Variants in COL23A1 observed in about 807,000 individuals in gnomAD.
COL23A1 encodes collagen type XXIII alpha 1 chain.
Under a neutral mutation model 99.3 loss-of-function variants are expected in COL23A1, and 97 were observed. That is an observed-to-expected ratio of 0.98 (90% CI 0.83 to 1.16). The LOEUF is 1.16. Ranked by LOEUF, COL23A1 falls within the 50% of genes most tolerant of loss-of-function variation. The probability of loss-of-function intolerance (pLI) is 0.00; values close to 1 mark genes in which losing one functional copy is unlikely to be tolerated. For synonymous variants in COL23A1, 320 were observed against 308.2 expected (o/e 1.04, Z -0.40); for missense variants, 762 against 757.4 (o/e 1.01, Z -0.07).
intron 5 of COL23A1, among the ~76,000 whole-genome samples, chr5:178,278,896 G>C (rs145601670): frequency 6.6e-6 from 1 of 152,160 alleles, no homozygotes; most frequent in African/African-American, 2.4e-5. Flanking sequence ...GCTGTGACGC[G>C]CTGGGCCAGC....
chr5:178,284,773 AC>A (rs1299671580), intron 5 of COL23A1, among the ~76,000 whole-genome samples: 1 of 152,234 alleles, frequency 6.6e-6, no homozygotes, highest in Admixed American at 6.5e-5. Flanking sequence ...AAAAAATAGT[AC>A]AAAAAAGTAT....
intron 2 of COL23A1, among the ~76,000 whole-genome samples, chr5:178,490,324 G>A (rs1757860435): frequency 6.6e-6 from 1 of 152,122 alleles, no homozygotes; most frequent in African/African-American, 2.4e-5. Context: ...AGGATATTAA[G>A]CTAAGTGAAA....
chr5:178,364,848 T>A (rs1336832447), intron 2 of COL23A1, among the ~76,000 whole-genome samples: 6 of 152,192 alleles, frequency 3.9e-5, no homozygotes, highest in Admixed American at 3.3e-4. Flanking sequence ...GCCGGCACCT[T>A]GCAGGTTTCA....
intron 2 of COL23A1, among the ~76,000 whole-genome samples, chr5:178,379,063 C>A (rs1426433521): frequency 6.6e-6 from 1 of 152,128 alleles, no homozygotes; most frequent in African/African-American, 2.4e-5. Context: ...ATTAGCCTGT[C>A]TGGTTATGGG....
intron 2 of COL23A1, among the ~76,000 whole-genome samples, chr5:178,459,298 T>C (rs1264580130): frequency 1.3e-5 from 2 of 152,182 alleles, no homozygotes; most frequent in African/African-American, 4.8e-5. Flanking sequence ...GCCAAAACAA[T>C]AAACATGTCT....
chr5:178,382,242 G>A (rs760548949), intron 2 of COL23A1, among the ~76,000 whole-genome samples: 8 of 152,136 alleles, frequency 5.3e-5, no homozygotes, highest in Non-Finnish European at 1.2e-4. Flanking sequence ...CAGCTGCTGC[G>A]GCTGATCATC....
intron 2 of COL23A1, among the ~76,000 whole-genome samples, chr5:178,523,225 G>C (rs1387883040): frequency 4.6e-5 from 5 of 108,078 alleles, no homozygotes; most frequent in African/African-American, 1.3e-4. Flanking sequence ...GAGAGAGAGA[G>C]ACAGAGGGAG....
chr5:178,311,718 TTTTTGTTTTG>T (rs1205265176), intron 2 of COL23A1, among the ~76,000 whole-genome samples: 13 of 52,010 alleles, frequency 2.5e-4, no homozygotes, highest in Admixed American at 1.6e-3. Flanking sequence ...GTGTAACTGT[TTTTTGTTTTG>T]TTTTGTTTTG....
chr5:178,567,300 C>T (rs1327922136), intron 1 of COL23A1, among the ~76,000 whole-genome samples: 1 of 152,134 alleles, frequency 6.6e-6, no homozygotes. Flanking sequence ...TAAAAGGAAC[C>T]AGGGCTTCTT....
intron 12 of COL23A1, 84 bp downstream of exon 12, chr5:178,259,637 A>T: frequency 1.9e-6 from 1 of 525,682 alleles, no homozygotes; most frequent in Non-Finnish European, 3.4e-6. Flanking sequence ...CCCCATCCCC[A>T]TCCCCATTCC....
rs769570064 is a variant in COL23A1 at position 178,496,746 on chromosome 5, C to T, written c.361+63936G>A. 7.2e-4 allele frequency among the ~76,000 whole-genome samples: 109 copies of T among 152,264 alleles called. 1 individual carries two copies. The highest frequency in any genetic ancestry group is 1.0e-3 in the Non-Finnish European group (71 of 68,032). On this transcript the variant is annotated intron_variant, in intron 2 of 28. Transcript: ENST00000390654. ...ATCTGTTTTTAATCAATGACTGCTT[C>T]CTGGCAGCTTGGGCAAAAAGGGAAA...
intron 2 of COL23A1, among the ~76,000 whole-genome samples, chr5:178,504,829 G>C (rs886096742): frequency 1.3e-5 from 2 of 152,202 alleles, no homozygotes; most frequent in African/African-American, 4.8e-5. Context: ...CGTGTTGGCA[G>C]ATGTTCTGAT....
At chr5:178,497,944 C>T (rs1176712187) in intron 2 of COL23A1, among the ~76,000 whole-genome samples, 1 of 151,530 alleles carries the variant, frequency 6.6e-6, no homozygotes, top group African/African-American at 2.4e-5. Flanking sequence ...TTTCCTATGA[C>T]CAAGTTGAAG....
rs1561896811 is a variant in COL23A1, at chr5:178,358,250, G to GTGTGTGTATGTA, written c.362-51332_362-51331insTACATACACACA. On this transcript the variant is annotated intron_variant, in intron 2 of 28. Transcript: ENST00000390654. ...TGTGTGTATGTGTGTATGTGTATGT[G>GTGTGTGTATGTA]TGTGTATGTATATGTGTGTATATGT... 1.9e-4 allele frequency among the ~76,000 whole-genome samples: 19 copies of GTGTGTGTATGTA among 102,610 alleles called. 1 individual carries two copies. Among genetic ancestry groups the GTGTGTGTATGTA allele is most frequent in the Admixed American group, 1.8e-3 (19 of 10,754 alleles). 67.3% of individuals were successfully genotyped at this position (102,610 alleles called of 152,430 possible). A position where few individuals can be genotyped will look rare whatever the true frequency, so the allele number is the denominator to read the frequency against.
At chr5:178,523,193 TATATATATAGAGAGAG>T (rs1760079727) in intron 2 of COL23A1, among the ~76,000 whole-genome samples, 8 of 80,018 alleles carry the variant, frequency 1.0e-4, no homozygotes, top group African/African-American at 2.8e-4. Flanking sequence ...TATATATATA[TATATATATAGAGAGAG>T]AGAGAGAGAG....
rs1389617142 is a variant in COL23A1 at position 178,572,352 on chromosome 5, A to C, written c.295-11604T>G. ...AGTGAGAAAGAGCAAAATAGAAAAAAAAATTTTGAAGAATAGTCAAAAAGT... is the reference window on the plus strand; with the variant it reads ...AGTGAGAAAGAGCAAAATAGAAAAACAAATTTTGAAGAATAGTCAAAAAGT... On this transcript the variant is annotated intron_variant, in intron 1 of 28. Coordinates refer to ENST00000390654, the MANE Select transcript of COL23A1 (RefSeq NM_173465.4). Among the ~76,000 whole-genome samples, 4 of 152,294 alleles carry C rather than the reference A, an allele frequency of 2.6e-5. No homozygotes were observed. In the East Asian group the frequency reaches 7.7e-4, roughly 29 times the overall value.
At chr5:178,425,547 G>GACC (rs34981209) in intron 2 of COL23A1, among the ~76,000 whole-genome samples, 2,774 of 152,114 alleles carry the variant, frequency 0.018, 51 homozygotes, top group Admixed American at 0.066. Flanking sequence ...AGGTGGATCT[G>GACC]AACATTGACA....
intron 2 of COL23A1, among the ~76,000 whole-genome samples, chr5:178,528,841 T>C (rs1348819733): frequency 6.6e-6 from 1 of 152,220 alleles, no homozygotes; most frequent in Non-Finnish European, 1.5e-5. Flanking sequence ...CCCTCAATGC[T>C]TGCACTTCTC....
At chr5:178,385,059 C>T (rs1763597238) in intron 2 of COL23A1, among the ~76,000 whole-genome samples, 1 of 152,130 alleles carries the variant, frequency 6.6e-6, no homozygotes, top group African/African-American at 2.4e-5. Context: ...TGTGGCAGCC[C>T]CTGGTGGCTG....
Sources: gnomAD v4.1 joint callset for allele counts (sites outside exome capture counted in the v4.1 genomes callset) on GRCh38, gnomAD v4.1.1 for gene constraint, MANE v1.5 for transcripts, NCBI Gene and HGNC (gene_info 2026-07-23, HGNC 2026-07-21) for gene names.